MBD3: variants seen among roughly 807,000 people sequenced by gnomAD.
MBD3 encodes methyl-CpG-binding domain protein 3.
A neutral mutation model predicts 31.2 loss-of-function variants in MBD3; 13 were observed. That is an observed-to-expected ratio of 0.42 (90% CI 0.27 to 0.66). MBD3 has a LOEUF of 0.66. Among genes scored for constraint, MBD3 ranks in the 30% least tolerant of loss-of-function variants. The pLI, the probability that MBD3 is intolerant of heterozygous loss-of-function variation, is 0.26. For missense variants in MBD3, 440 were observed against 426.5 expected (o/e 1.03, Z -0.28); for synonymous variants, 223 against 187.4 (o/e 1.19, Z -1.55).
chr19:1,590,747 C>T (rs1352618598), intron 1 of MBD3, among the ~76,000 whole-genome samples: 1 of 152,182 alleles, frequency 6.6e-6, no homozygotes, highest in Non-Finnish European at 1.5e-5. Context: ...CTTGATAAAA[C>T]CACACGTATA....
At chr19:1,581,376 G>C in intron 4 of MBD3, 107 bp from the exon 5 acceptor site, 1 of 1,132,272 alleles carries the variant, frequency 8.8e-7, no homozygotes, top group Non-Finnish European at 1.3e-6. Context: ...CCACCTTCTT[G>C]GAAGGAACCC....
chr19:1,590,770 CA>C (rs1175171675), intron 1 of MBD3, among the ~76,000 whole-genome samples: 1 of 152,136 alleles, frequency 6.6e-6, no homozygotes, highest in Non-Finnish European at 1.5e-5. Context: ...AAAAAGTGGG[CA>C]ACATGGCCTG....
In MBD3 at chr19:1,577,708, C is replaced by G. The variant is rs748370499; in HGVS notation, c.*456G>C. 3 of 160,354 alleles carry G rather than the reference C, an allele frequency of 1.9e-5. No individual in the cohort carries two copies. Among genetic ancestry groups the G allele is most frequent in the African/African-American group, 7.2e-5 (3 of 41,506 alleles). 9.9% of individuals were successfully genotyped at this position (160,354 alleles called of 1,614,324 possible). A position where few individuals can be genotyped will look rare whatever the true frequency, so the allele number is the denominator to read the frequency against. ...TGCCCCCCACAGCAGACCAGAGTCC[C>G]GTCCTCACGCTGCACAGTGGGTGAT... On this transcript the variant is annotated 3_prime_UTR_variant, in exon 7 of 7. Transcript: ENST00000434436.
chr19:1,580,452 G>A (rs1917325654), intron 5 of MBD3, among the ~76,000 whole-genome samples: 1 of 152,214 alleles, frequency 6.6e-6, no homozygotes, highest in African/African-American at 2.4e-5. Context: ...CTTCTTTCTG[G>A]AACCGTCAAG....
At chr19:1,591,743 G>T (rs2060704597) in intron 1 of MBD3, among the ~76,000 whole-genome samples, 1 of 151,988 alleles carries the variant, frequency 6.6e-6, no homozygotes, top group African/African-American at 2.4e-5. Context: ...CGACTGTCTG[G>T]GACTTGGCTG....
In MBD3 at chr19:1,575,119, G is replaced by A. The variant is rs1020263402; in HGVS notation, c.*3045C>T. 1 of 403,698 alleles carries A rather than the reference G, an allele frequency of 2.5e-6. No individual in the cohort carries two copies. The highest frequency in any genetic ancestry group is 5.1e-6 in the Non-Finnish European group (1 of 196,734). 25.0% of individuals were successfully genotyped at this position (403,698 alleles called of 1,614,324 possible). On this transcript the variant is annotated 3_prime_UTR_variant, in exon 7 of 7. Coordinates refer to ENST00000434436, the MANE Select transcript of MBD3 (RefSeq NM_001281453.2). The stretch of plus-strand genomic sequence containing the variant: ...TGAGGGGAGGCGGGGGACACGTGAG[G>A]CTCTTGCTGCTGCTGGCAAGTGCCA...
intron 3 of MBD3, chr19:1,583,130 G>A (rs2060660720): frequency 4.7e-6 from 1 of 213,630 alleles, no homozygotes; most frequent in African/African-American, 2.3e-5. Context: ...CTTGAACCCA[G>A]GAAGTGGAGG....
At chr19:1,582,798 T>TG in intron 3 of MBD3, 86 bp from the exon 4 acceptor site, 2 of 1,210,748 alleles carry the variant, frequency 1.7e-6, no homozygotes, top group Non-Finnish European at 2.4e-6. Context: ...GAGGCCCACC[T>TG]GGCCTCCTTG....
In MBD3 at chr19:1,574,566, TGGCCG is replaced by T. The variant is rs1915047064; in HGVS notation, c.*3593_*3597del. ...CATGGCCGAGTCCTGCTCCATGGTG[TGGCCG>T]GGCCGGGCTGTGTTCGTTCATCCCT... On this transcript the variant is annotated 3_prime_UTR_variant, in exon 7 of 7. Transcript: ENST00000434436. The T allele has an allele frequency of 6.5e-6, 1 of 152,774 alleles. No individual in the cohort carries two copies. The highest frequency in any genetic ancestry group is 2.1e-4 in the South Asian group (1 of 4,872). The allele number at this position is 152,774 out of a possible 1,614,324, so 9.5% of individuals were successfully genotyped here. A position where few individuals can be genotyped will look rare whatever the true frequency, so the allele number is the denominator to read the frequency against.
At chr19:1,583,871 G>A (rs999247274) in intron 3 of MBD3, among the ~76,000 whole-genome samples, 1 of 152,058 alleles carries the variant, frequency 6.6e-6, no homozygotes, top group Non-Finnish European at 1.5e-5. Flanking sequence ...GCCCAGGCAG[G>A]AGTGCAGTGG....
chr19:1,581,707 T>C, intron 4 of MBD3: 1 of 291,750 alleles, frequency 3.4e-6, no homozygotes, highest in South Asian at 3.2e-5. Flanking sequence ...ACGGCGCCAC[T>C]GTACTTCAGC....
At chr19:1,584,821 G>A (rs1484199872) in intron 2 of MBD3, 144 bp from the exon 3 acceptor site, 6 of 997,432 alleles carry the variant, frequency 6.0e-6, no homozygotes, top group Admixed American at 7.3e-5. Flanking sequence ...GTCCGGGGAG[G>A]CCGCTCCCGC....
rs1187398422 is a variant in MBD3 at position 1,576,060 on chromosome 19, GAGAGGGAGACGGCGCAAGAGAGAGACA to G, written c.*2077_*2103del. 2.0e-5 allele frequency: 3 copies of G among 152,566 alleles called. No individual in the cohort carries two copies. Among genetic ancestry groups the G allele is most frequent in the Admixed American group, 2.0e-4 (3 of 15,272 alleles). 9.5% of individuals were successfully genotyped at this position (152,566 alleles called of 1,614,324 possible). On this transcript the variant is annotated 3_prime_UTR_variant, in exon 7 of 7. Coordinates refer to ENST00000434436, the MANE Select transcript of MBD3 (RefSeq NM_001281453.2). ...AGAGAGCAAGAAACAAAGAGGGACAGAGAGGGAGACGGCGCAAGAGAGAGACAAGAGGGAGAGATAGAGACAGGGATA... is the reference window on the plus strand; with the variant it reads ...AGAGAGCAAGAAACAAAGAGGGACAGAGAGGGAGAGATAGAGACAGGGATA...
rs1916224407 is a variant in MBD3, at chr19:1,575,480, C to T, written c.*2684G>A. 1 of 299,178 alleles carries T rather than the reference C, an allele frequency of 3.3e-6. No homozygotes were observed. The highest frequency in any genetic ancestry group is 6.7e-6 in the Non-Finnish European group (1 of 149,014). The allele number at this position is 299,178 out of a possible 1,614,324, so 18.5% of individuals were successfully genotyped here. On this transcript the variant is annotated 3_prime_UTR_variant, in exon 7 of 7. Coordinates refer to ENST00000434436, the MANE Select transcript of MBD3 (RefSeq NM_001281453.2). ...GCGGGGCTGGGGGCAGCCAAGTGGC[C>T]TTTGAGGATGGGGCCAGGCACCGCA...
intron 1 of MBD3, among the ~76,000 whole-genome samples, chr19:1,590,564 C>T (rs918511106): frequency 6.6e-6 from 1 of 152,130 alleles, no homozygotes; most frequent in Non-Finnish European, 1.5e-5. Context: ...AATGCGTAAG[C>T]CGTGATTGTA....
chr19:1,574,678 G>C lies in MBD3; in HGVS notation c.*3486C>G, dbSNP rs1915049564. Reference sequence around the variant, plus strand: ...GACAGAATCTCACAGGCAGTGCCCAGCCACCCGCTACCAGAAAGCTGAGTC... The same window carrying C: ...GACAGAATCTCACAGGCAGTGCCCACCCACCCGCTACCAGAAAGCTGAGTC... On this transcript the variant is annotated 3_prime_UTR_variant, in exon 7 of 7. Transcript: ENST00000434436. 1 of 153,550 alleles carries C rather than the reference G, an allele frequency of 6.5e-6. No individual in the cohort carries two copies. The highest frequency in any genetic ancestry group is 1.5e-5 in the Non-Finnish European group (1 of 68,882). The allele number at this position is 153,550 out of a possible 1,614,324, so 9.5% of individuals were successfully genotyped here.
chr19:1,587,558 G>A (rs1240529014), intron 1 of MBD3, among the ~76,000 whole-genome samples: 1 of 152,086 alleles, frequency 6.6e-6, no homozygotes, highest in Non-Finnish European at 1.5e-5. Context: ...AGGACTACAC[G>A]TGTGCACCAC....
At position 1,578,627 on chromosome 19, in the gene MBD3, G is replaced by T; in HGVS notation, c.678-89C>A. ...GAACGTGGGGACCTCAGCTGGGAGG[G>T]GAGGCCCGAGGGATCCACAGGCACC... On this transcript the variant is annotated intron_variant, in intron 5 of 6. Coordinates refer to ENST00000434436, the MANE Select transcript of MBD3 (RefSeq NM_001281453.2). This position sits in a 1 kb window ranked among gnomAD's most constrained non-coding sequence, Gnocchi z 6.1. 1.3e-6 allele frequency: 2 copies of T among 1,599,020 alleles called. No homozygotes were observed. The highest frequency in any genetic ancestry group is 1.7e-6 in the Non-Finnish European group (2 of 1,179,600).
At chr19:1,579,751 C>A (rs1917306109) in intron 5 of MBD3, among the ~76,000 whole-genome samples, 1 of 152,178 alleles carries the variant, frequency 6.6e-6, no homozygotes, top group Non-Finnish European at 1.5e-5. Flanking sequence ...CCGAGTTCCT[C>A]ATTTCAATGC....
Sources: gnomAD v4.1 joint callset for allele counts (sites outside exome capture counted in the v4.1 genomes callset) on GRCh38, gnomAD v4.1.1 for gene constraint, Gnocchi (gnomAD v3.1) non-coding constraint, MANE v1.5 for transcripts, NCBI Gene and HGNC (gene_info 2026-07-23, HGNC 2026-07-21) for gene names.